Variants in MCF2L2 observed in about 807,000 individuals in gnomAD.
MCF2L2 encodes the protein probable guanine nucleotide exchange factor MCF2L2.
MCF2L2 carries 102 observed loss-of-function variants against 150.2 expected under a neutral mutation model. The observed-to-expected ratio is 0.68, with a 90% CI of 0.58 to 0.80. MCF2L2 has a LOEUF of 0.80. Among genes scored for constraint, MCF2L2 ranks in the 30% least tolerant of loss-of-function variants. MCF2L2 has a pLI of 0.00. For missense variants in MCF2L2, 1,256 were observed against 1,372.8 expected, an observed-to-expected ratio of 0.91 and a Z score of 1.34; for synonymous variants, 465 against 491.3, an observed-to-expected ratio of 0.95 and a Z score of 0.71.
At chr3:183,291,424 G>A (rs942106180) in intron 13 of MCF2L2, among the ~76,000 whole-genome samples, 5 of 152,198 alleles carry the variant, frequency 3.3e-5, no homozygotes, top group Admixed American at 3.3e-4. Flanking sequence ...GTTCATTTGT[G>A]AAGAATGTAG....
At chr3:183,384,377 T>A (rs1234980336) in intron 2 of MCF2L2, among the ~76,000 whole-genome samples, 1 of 152,180 alleles carries the variant, frequency 6.6e-6, no homozygotes, top group Non-Finnish European at 1.5e-5. Flanking sequence ...GCCACAAGAT[T>A]AGAAATGATG....
intron 15 of MCF2L2, among the ~76,000 whole-genome samples, chr3:183,240,198 C>T (rs528717187): frequency 6.6e-6 from 1 of 152,328 alleles, no homozygotes; most frequent in Non-Finnish European, 1.5e-5. Context: ...TTCTCTTCCA[C>T]CAGTCTATTT....
At chr3:183,316,969 G>A (rs1474278723) in intron 7 of MCF2L2, among the ~76,000 whole-genome samples, 2 of 152,144 alleles carry the variant, frequency 1.3e-5, no homozygotes, top group African/African-American at 2.4e-5. Flanking sequence ...GCCTCCCAAA[G>A]TGCTGGGATT....
intron 1 of MCF2L2, among the ~76,000 whole-genome samples, chr3:183,399,980 A>C (rs1714654884): frequency 6.6e-6 from 1 of 152,250 alleles, no homozygotes; most frequent in African/African-American, 2.4e-5. Context: ...TTATTCCTTC[A>C]ACCAAAATTA....
intron 5 of MCF2L2, among the ~76,000 whole-genome samples, chr3:183,325,637 A>G (rs1234014687): frequency 6.6e-6 from 1 of 152,178 alleles, no homozygotes; most frequent in Non-Finnish European, 1.5e-5. Flanking sequence ...TGCTATGGTA[A>G]TAATCGACAT....
chr3:183,216,572 ATATATATATTTTTTTTTTTTTTTTTTT>A (rs1430126701), intron 21 of MCF2L2, among the ~76,000 whole-genome samples: 504 of 19,076 alleles, frequency 0.026, 23 homozygotes, highest in South Asian at 0.086. Flanking sequence ...ATATATATAT[ATATATATATTTTTTTTTTTTTTTTTTT>A]TTTTTTTTTT....
Position 183,428,467 on chromosome 3 carries a change from C to G in MCF2L2, c.-490G>C, listed in dbSNP as rs978405151. 9 of 155,706 alleles carry G rather than the reference C, an allele frequency of 5.8e-5. No individual in the cohort carries two copies. The highest frequency in any genetic ancestry group is 2.2e-4 in the African/African-American group (9 of 41,496). The allele number at this position is 155,706 out of a possible 1,614,324, so 9.6% of individuals were successfully genotyped here. A position where few individuals can be genotyped will look rare whatever the true frequency, so the allele number is the denominator to read the frequency against. Reference sequence around the variant, plus strand: ...CACCTCGTCCAGCCCACGGGTGGCGCCCGGGGCTCTCGGGGAGGCACGCAC... The same window carrying G: ...CACCTCGTCCAGCCCACGGGTGGCGGCCGGGGCTCTCGGGGAGGCACGCAC... On this transcript the variant is annotated 5_prime_UTR_variant, in exon 1 of 30. Transcript: ENST00000328913. The surrounding 1 kb of genome is among the most constrained non-coding windows in gnomAD (Gnocchi z 5.1).
intron 3 of MCF2L2, among the ~76,000 whole-genome samples, chr3:183,351,427 A>C (rs1435142673): frequency 1.3e-5 from 2 of 151,542 alleles, no homozygotes; most frequent in Non-Finnish European, 2.9e-5. Flanking sequence ...GTCAATTGAA[A>C]TTTTATTGCA....
rs1191097684 is a variant in MCF2L2 at position 183,205,803 on chromosome 3, C to G, written c.2884+73G>C. On this transcript the variant is annotated intron_variant, in intron 25 of 29. Transcript: ENST00000328913. ...GCAAACCATTTTCTTTCACAATATC[C>G]CCAATTTGCACATCCCCCACTGAGC... The G allele has an allele frequency of 1.2e-5, 13 of 1,113,272 alleles. No individual in the cohort carries two copies. In the East Asian group the frequency reaches 2.9e-4, roughly 25 times the overall value. The allele number at this position is 1,113,272 out of a possible 1,614,324, so 69.0% of individuals were successfully genotyped here.
intron 1 of MCF2L2, among the ~76,000 whole-genome samples, chr3:183,408,946 C>T (rs1715181939): frequency 6.6e-6 from 1 of 152,168 alleles, no homozygotes; most frequent in Non-Finnish European, 1.5e-5. Context: ...TGCCACCTTG[C>T]CATGATAATG....
chr3:183,273,851 A>G (rs931394694), intron 15 of MCF2L2, among the ~76,000 whole-genome samples: 2 of 152,230 alleles, frequency 1.3e-5, no homozygotes, highest in African/African-American at 4.8e-5. Flanking sequence ...CTAGGTGTCT[A>G]GTAGGCTATT....
chr3:183,228,489 G>C, intron 17 of MCF2L2, 123 bp from the exon 18 acceptor site: 1 of 540,978 alleles, frequency 1.8e-6, no homozygotes, highest in Non-Finnish European at 3.3e-6. Flanking sequence ...AGGCCTTCTT[G>C]CTCTTATCTT....
intron 3 of MCF2L2, among the ~76,000 whole-genome samples, chr3:183,343,511 C>T (rs1362793961): frequency 1.3e-5 from 2 of 151,888 alleles, no homozygotes; most frequent in Non-Finnish European, 2.9e-5. Context: ...GCTGGGATTA[C>T]AGGTGCCCAC....
intron 15 of MCF2L2, among the ~76,000 whole-genome samples, chr3:183,252,306 A>G (rs6782547): frequency 0.18 from 27,627 of 152,006 alleles, 6,258 homozygotes; most frequent in African/African-American, 0.54. Flanking sequence ...GTCACTGTCA[A>G]TGACTCCTTT....
Position 183,289,364 on chromosome 3 carries a change from C to G in MCF2L2, c.1676-144G>C, listed in dbSNP as rs78359503. ...GAGCTGCTGCGTTGATTTCCTAGGG[C>G]TGGATGAAATTGGAGGTGAAGGAGA... On this transcript the variant is annotated intron_variant, in intron 13 of 29. Coordinates refer to ENST00000328913, the MANE Select transcript of MCF2L2 (RefSeq NM_015078.4). 11,080 of 603,294 alleles carry G rather than the reference C, an allele frequency of 0.018. 228 individuals carry two copies. The highest frequency in any genetic ancestry group is 0.065 in the African/African-American group (3,535 of 54,148). The allele number at this position is 603,294 out of a possible 1,614,324, so 37.4% of individuals were successfully genotyped here.
chr3:183,179,989 G>T lies in MCF2L2; in HGVS notation c.3105+82C>A. ...GAATCCTGAGGAGGGGGAGAGGGAT[G>T]GAGGCTAGGGACAGGAGGCAGGAGG... On this transcript the variant is annotated intron_variant, in intron 28 of 29. Transcript: ENST00000328913. The surrounding 1 kb of genome is among the most constrained non-coding windows in gnomAD (Gnocchi z 4.2). The T allele has an allele frequency of 8.9e-7, 1 of 1,120,596 alleles. No individual in the cohort carries two copies. The allele number at this position is 1,120,596 out of a possible 1,614,324, so 69.4% of individuals were successfully genotyped here.
In MCF2L2 at chr3:183,231,028, G is replaced by A; in HGVS notation, c.1863-11C>T. The A allele has an allele frequency of 6.2e-7, 1 of 1,605,532 alleles. No individual in the cohort carries two copies. Among genetic ancestry groups the A allele is most frequent in the Non-Finnish European group, 8.5e-7 (1 of 1,172,706 alleles). On this transcript the variant is annotated splice_polypyrimidine_tract_variant and intron_variant, in intron 15 of 29. Transcript: ENST00000328913. ...TCACGTATAATGCGCCTGAATCACA[G>A]CAGCAGGTGGGAGGGTGAAAGAGAG...
chr3:183,281,893 C>CTTTTT (rs397876715), intron 14 of MCF2L2, among the ~76,000 whole-genome samples: 1 of 121,446 alleles, frequency 8.2e-6, no homozygotes, highest in Non-Finnish European at 1.7e-5. Context: ...TTCACAGGGT[C>CTTTTT]TTTTTTTTTT....
intron 3 of MCF2L2, among the ~76,000 whole-genome samples, chr3:183,371,306 C>T (rs150200198): frequency 1.6e-3 from 250 of 152,234 alleles, no homozygotes; most frequent in Admixed American, 6.1e-3. Flanking sequence ...GCACAGCTTG[C>T]TCTTATACAT....
Sources: allele counts gnomAD v4.1 joint callset (sites outside exome capture counted in the v4.1 genomes callset), GRCh38; gene constraint gnomAD v4.1.1; non-coding constraint Gnocchi (gnomAD v3.1); transcripts MANE v1.5; gene names NCBI Gene and HGNC (gene_info 2026-07-23, HGNC 2026-07-21).